MICALL1: variants seen among roughly 807,000 people sequenced by gnomAD.
The protein encoded by MICALL1 is MICAL-like protein 1.
A neutral mutation model predicts 83.7 loss-of-function variants in MICALL1; 61 were observed. The observed-to-expected ratio is 0.73, with a 90% CI of 0.59 to 0.90. The LOEUF (loss-of-function observed/expected upper bound fraction) is 0.90. Ranked by LOEUF, MICALL1 falls within the 40% of genes least tolerant of loss-of-function variation. MICALL1 has a pLI of 0.00. For missense variants in MICALL1, 1,066 were observed against 1,152.0 expected, an observed-to-expected ratio of 0.93 and a Z score of 1.08; for synonymous variants, 481 against 473.6, an observed-to-expected ratio of 1.02 and a Z score of -0.20.
At chr22:37,912,965 T>C (rs940234417) in intron 3 of MICALL1, among the ~76,000 whole-genome samples, 8 of 135,766 alleles carry the variant, frequency 5.9e-5, no homozygotes, top group African/African-American at 1.1e-4. Flanking sequence ...CCAGTCCCAC[T>C]TTTTTTTTTT....
intron 5 of MICALL1, among the ~76,000 whole-genome samples, chr22:37,919,804 C>T (rs572832026): frequency 1.3e-5 from 2 of 151,982 alleles, no homozygotes; most frequent in South Asian, 4.2e-4. Flanking sequence ...GCCTGATCAA[C>T]GTGGTGAAAC....
In MICALL1 at chr22:37,937,764, G is replaced by C; in HGVS notation, c.2442G>C (p.Lys814Asn). Residue 814 changes from lysine (K) to asparagine (N), a missense_variant, in exon 15 of 16, where the codon AAG becomes AAC. Physicochemically the swap from Lys to Asn is moderately conservative, Grantham distance 94. Coordinates refer to ENST00000215957, the MANE Select transcript of MICALL1 (RefSeq NM_033386.4). ...EDRQREEEED[K>N]MLEAMIKKKE... The stretch of plus-strand genomic sequence containing the variant: ...ATTTCAGGGAGGAAGAGGAAGACAA[G>C]ATGTTGGAAGCCATGATCAAGAAGA... 1 of 1,613,658 alleles carries C rather than the reference G, an allele frequency of 6.2e-7. No homozygotes were observed. Among genetic ancestry groups the C allele is most frequent in the Non-Finnish European group, 8.5e-7 (1 of 1,179,716 alleles).
In MICALL1 at chr22:37,941,299, C is replaced by G. The variant is rs549684346; in HGVS notation, c.*469C>G. On this transcript the variant is annotated 3_prime_UTR_variant, in exon 16 of 16. Transcript: ENST00000215957. ...GGCTCTGAGTCTCTGTCTTCCTGTC[C>G]TGTGCAGGCGCCCTTGGATCTCAGT... 6.1e-6 allele frequency: 1 copy of G among 164,184 alleles called. No homozygotes were observed. The highest frequency in any genetic ancestry group is 1.3e-5 in the Non-Finnish European group (1 of 74,524). 10.2% of individuals were successfully genotyped at this position (164,184 alleles called of 1,614,324 possible).
intron 15 of MICALL1, among the ~76,000 whole-genome samples, chr22:37,938,088 C>T (rs1394959359): frequency 1.1e-4 from 16 of 152,130 alleles, no homozygotes; most frequent in Non-Finnish European, 2.4e-4. Flanking sequence ...GCTGTGCATT[C>T]CCCCTTGAGA....
At chr22:37,925,255 C>T (rs1569143262) in intron 7 of MICALL1, among the ~76,000 whole-genome samples, 1 of 152,142 alleles carries the variant, frequency 6.6e-6, no homozygotes, top group African/African-American at 2.4e-5. Context: ...GCAGGTGCCC[C>T]AGTGCCCCGC....
chr22:37,932,613 C>T lies in MICALL1; in HGVS notation c.2077C>T (p.Arg693Cys), dbSNP rs760055525. The T allele has an allele frequency of 5.6e-6, 9 of 1,614,134 alleles. No homozygotes were observed. Among genetic ancestry groups the T allele is most frequent in the Middle Eastern group, 1.6e-4 (1 of 6,062 alleles). Residue 693 changes from arginine (R) to cysteine (C), a missense_variant, in exon 11 of 16, where the codon CGC (arginine) becomes TGC (cysteine). Transcript: ENST00000215957. The surrounding 1 kb of genome is among the most constrained non-coding windows in gnomAD (Gnocchi z 4.4). ...DIHGEMDTIE[R>C]RLDALEHRGV... ...CCATGGAGAGATGGATACCATTGAG[C>T]GCCGGCTGGATGCCCTGGAGCACCG...
chr22:37,931,801 C>A lies in MICALL1; in HGVS notation c.1884C>A (p.Ser628=), dbSNP rs756210602. Residue 628 remains serine (S), a splice_region_variant and synonymous_variant, in exon 10 of 16, where the codon TCC becomes TCA. Coordinates refer to ENST00000215957, the MANE Select transcript of MICALL1 (RefSeq NM_033386.4). ...CTGTCATGTCTCCTTCCCTTTAGTC[C>A]TCCTGCAAGGAGAATCCTTTTAACC... ...GSSSPQLQVK[S]SCKENPFNRK... is the part of the protein sequence containing the mutation. 18 of 1,613,968 alleles carry A rather than the reference C, an allele frequency of 1.1e-5. No individual in the cohort carries two copies. The highest frequency in any genetic ancestry group is 1.5e-5 in the Non-Finnish European group (18 of 1,180,018).
intron 15 of MICALL1, among the ~76,000 whole-genome samples, chr22:37,939,499 G>A (rs747439598): frequency 2.6e-5 from 4 of 152,220 alleles, no homozygotes; most frequent in Non-Finnish European, 5.9e-5. Flanking sequence ...ATGGGGGCCA[G>A]GCGCGGTGGC....
rs1339281644 is a variant in MICALL1 at position 37,940,889 on chromosome 22, T to C, written c.*59T>C. On this transcript the variant is annotated 3_prime_UTR_variant, in exon 16 of 16. Coordinates refer to ENST00000215957, the MANE Select transcript of MICALL1 (RefSeq NM_033386.4). ...CTGGAGCAGCTCCTGGGCTGTGCTCTGTTTGAAGGGGGCGCCCTGCTCCCC... is the reference window on the plus strand; with the variant it reads ...CTGGAGCAGCTCCTGGGCTGTGCTCCGTTTGAAGGGGGCGCCCTGCTCCCC... The C allele has an allele frequency of 6.2e-7, 1 of 1,603,902 alleles. No individual in the cohort carries two copies. Among genetic ancestry groups the C allele is most frequent in the African/African-American group, 1.3e-5 (1 of 74,640 alleles).
rs1459690623 is a variant in MICALL1 at position 37,919,071 on chromosome 22, G to A, written c.462G>A (p.Gln154=). The change falls in exon 5 of 16, where the codon CAG becomes CAA. Residue 154 remains glutamine, a synonymous_variant. Transcript: ENST00000215957. ...EELSSGSLSE[Q]GTGQTPSSTC... ...TCTCCTCAGGCAGCCTGTCAGAGCA[G>A]GGCACCGGCCAGACCCCCAGCAGCA... The A allele has an allele frequency of 1.3e-6, 2 of 1,552,358 alleles. No individual in the cohort carries two copies. Among genetic ancestry groups the A allele is most frequent in the Non-Finnish European group, 1.7e-6 (2 of 1,147,712 alleles).
chr22:37,922,591 ATATATATATATTTTTTTT>A (rs1423609626), intron 6 of MICALL1, among the ~76,000 whole-genome samples, 165 bp downstream of exon 6: 11 of 78,626 alleles, frequency 1.4e-4, no homozygotes, highest in African/African-American at 6.0e-4. Context: ...ATATATATAT[ATATATATATATTTTTTTT>A]TTTTTTTTTT....
chr22:37,919,509 A>C (rs1928889069), intron 5 of MICALL1, among the ~76,000 whole-genome samples: 1 of 151,842 alleles, frequency 6.6e-6, no homozygotes, highest in Admixed American at 6.6e-5. Flanking sequence ...GGTGGTGCAC[A>C]CCTCTAATCC....
In MICALL1 at chr22:37,906,693, C is replaced by G. The variant is rs1311944146; in HGVS notation, c.146+125C>G. On this transcript the variant is annotated intron_variant, in intron 1 of 15. Transcript: ENST00000215957. This position sits in a 1 kb window ranked among gnomAD's most constrained non-coding sequence, Gnocchi z 4.4. Reference sequence around the variant, plus strand: ...CGCCCCCGGACACGGAGACGCCGACCCCCCCGACGGCCCCGGACGCCGGGC... The same window carrying G: ...CGCCCCCGGACACGGAGACGCCGACGCCCCCGACGGCCCCGGACGCCGGGC... 2.2e-6 allele frequency: 2 copies of G among 900,610 alleles called. No homozygotes were observed. Among genetic ancestry groups the G allele is most frequent in the Non-Finnish European group, 2.8e-6 (2 of 720,652 alleles). The allele number at this position is 900,610 out of a possible 1,614,324, so 55.8% of individuals were successfully genotyped here.
intron 13 of MICALL1, among the ~76,000 whole-genome samples, chr22:37,934,166 C>T (rs543979984): frequency 6.6e-6 from 1 of 152,334 alleles, no homozygotes; most frequent in South Asian, 2.1e-4. Flanking sequence ...TTTCCAGCCC[C>T]CGTGTGGTGG....
intron 9 of MICALL1, among the ~76,000 whole-genome samples, chr22:37,931,172 G>T (rs1320403656): frequency 6.6e-6 from 1 of 152,202 alleles, no homozygotes; most frequent in African/African-American, 2.4e-5. Flanking sequence ...GTGAGCAAAT[G>T]ACTTAACCTC....
rs748270434 is a variant in MICALL1, at chr22:37,932,993, G to A, written c.2235-46G>A. On this transcript the variant is annotated intron_variant, in intron 12 of 15. Transcript: ENST00000215957. The surrounding 1 kb of genome is among the most constrained non-coding windows in gnomAD (Gnocchi z 4.4). Reference sequence around the variant, plus strand: ...AGTAACAGCGCAGGGCAGGGCAGCCGGGGCTCGGGCAGAATTGTTAAGAGT... The same window carrying A: ...AGTAACAGCGCAGGGCAGGGCAGCCAGGGCTCGGGCAGAATTGTTAAGAGT... 1.2e-5 allele frequency: 19 copies of A among 1,612,984 alleles called. No individual in the cohort carries two copies. Among genetic ancestry groups the A allele is most frequent in the East Asian group, 1.1e-4 (5 of 44,862 alleles).
chr22:37,915,662 T>C (rs1928632442), intron 3 of MICALL1, among the ~76,000 whole-genome samples: 1 of 151,680 alleles, frequency 6.6e-6, no homozygotes, highest in South Asian at 2.1e-4. Flanking sequence ...TTTTTTTTTT[T>C]TGAGACAGAG....
intron 4 of MICALL1, among the ~76,000 whole-genome samples, chr22:37,918,274 G>A (rs1019892491): frequency 3.3e-5 from 5 of 152,214 alleles, no homozygotes; most frequent in African/African-American, 1.2e-4. Flanking sequence ...GGCTCAGTGA[G>A]GTTTAGTCAT....
At chr22:37,917,542 A>G (rs1490234096) in intron 3 of MICALL1, among the ~76,000 whole-genome samples, 165 bp from the exon 4 acceptor site, 1 of 152,036 alleles carries the variant, frequency 6.6e-6, no homozygotes, top group East Asian at 1.9e-4. Flanking sequence ...TAAAACTGGA[A>G]GCGTCCCCGG....
Sources: allele counts gnomAD v4.1 joint callset (sites outside exome capture counted in the v4.1 genomes callset), GRCh38; gene constraint gnomAD v4.1.1; non-coding constraint Gnocchi (gnomAD v3.1); transcripts MANE v1.5; gene names NCBI Gene and HGNC (gene_info 2026-07-23, HGNC 2026-07-21).